Variants in ATP8B4 observed in about 807,000 individuals in gnomAD.
ATP8B4 encodes probable phospholipid-transporting ATPase IM.
Under a neutral mutation model 145.6 loss-of-function variants are expected in ATP8B4, and 133 were observed. That is an observed-to-expected ratio of 0.91 (90% CI 0.79 to 1.05). ATP8B4 has a LOEUF of 1.05. Among genes scored for constraint, ATP8B4 ranks in the 50% least tolerant of loss-of-function variants. The pLI is 0.00. For synonymous variants in ATP8B4, 507 were observed against 492.9 expected, an observed-to-expected ratio of 1.03 and a Z score of -0.38; for missense variants, 1,458 against 1,425.2, an observed-to-expected ratio of 1.02 and a Z score of -0.37.
intron 8 of ATP8B4, among the ~76,000 whole-genome samples, chr15:50,000,121 T>C (rs1567173762): frequency 6.6e-6 from 1 of 152,314 alleles, no homozygotes; most frequent in East Asian, 1.9e-4. Context: ...TCAAGTTGTT[T>C]TCATTTCTGG....
chr15:50,026,641 C>A (rs1245429675), intron 6 of ATP8B4, among the ~76,000 whole-genome samples: 1 of 152,198 alleles, frequency 6.6e-6, no homozygotes, highest in Non-Finnish European at 1.5e-5. Context: ...TGACTGGTAT[C>A]CAATATCTTT....
intron 12 of ATP8B4, 84 bp from the exon 13 acceptor site, chr15:49,972,874 G>A: frequency 7.2e-7 from 1 of 1,379,970 alleles, no homozygotes; most frequent in Non-Finnish European, 9.8e-7. Flanking sequence ...TAAGAAGTCT[G>A]CCAAAGTCTC....
rs2054928427 is a variant in ATP8B4, at chr15:50,085,928, CATATATATTTATATATG to C, written c.29-11760_29-11744del. Reference sequence around the variant, plus strand: ...ATATATATTTATATATGATATATATCATATATATTTATATATGATATATATCATATATATTTATATAT... The same window carrying C: ...ATATATATTTATATATGATATATATCATATATATCATATATATTTATATAT... On this transcript the variant is annotated intron_variant, in intron 2 of 27. Transcript: ENST00000284509. Among the ~76,000 whole-genome samples, 2 of 50,444 alleles carry C rather than the reference CATATATATTTATATATG, an allele frequency of 4.0e-5. 1 individual carries two copies. The highest frequency in any genetic ancestry group is 1.2e-4 in the African/African-American group (2 of 16,380). 33.1% of individuals were successfully genotyped at this position (50,444 alleles called of 152,430 possible).
intron 14 of ATP8B4, among the ~76,000 whole-genome samples, chr15:49,942,243 A>G (rs1040401400): frequency 1.3e-5 from 2 of 152,100 alleles, no homozygotes; most frequent in African/African-American, 2.4e-5. Context: ...GAATCATACA[A>G]TGATACTACA....
chr15:49,901,297 T>C (rs1566954751), intron 20 of ATP8B4, 58 bp from the exon 21 acceptor site: 1 of 1,533,538 alleles, frequency 6.5e-7, no homozygotes, highest in South Asian at 1.2e-5. Flanking sequence ...TGCCTACTAA[T>C]TCTAACAAGA....
At chr15:50,051,077 C>A (rs559441283) in intron 3 of ATP8B4, among the ~76,000 whole-genome samples, 38 of 152,270 alleles carry the variant, frequency 2.5e-4, no homozygotes, top group African/African-American at 8.9e-4. Flanking sequence ...TTCCCATAAT[C>A]CTCACATGTC....
At chr15:50,082,574 A>T (rs1041597442) in intron 2 of ATP8B4, among the ~76,000 whole-genome samples, 16 of 152,264 alleles carry the variant, frequency 1.1e-4, no homozygotes, top group Non-Finnish European at 1.5e-5. Context: ...AGCTTCACAA[A>T]GAAATGTAAA....
chr15:49,920,721 A>T (rs2040184667), intron 17 of ATP8B4, among the ~76,000 whole-genome samples: 1 of 152,198 alleles, frequency 6.6e-6, no homozygotes, highest in African/African-American at 2.4e-5. Flanking sequence ...ATATTCATTT[A>T]TGGCAACATA....
chr15:49,905,380 G>A (rs1175641195), intron 20 of ATP8B4, among the ~76,000 whole-genome samples: 1 of 152,144 alleles, frequency 6.6e-6, no homozygotes, highest in Non-Finnish European at 1.5e-5. Flanking sequence ...AAAAAGAGAT[G>A]GTGCAAATTT....
At chr15:49,879,247 A>AT (rs2035003203) in intron 24 of ATP8B4, 129 bp downstream of exon 24, 2 of 780,956 alleles carry the variant, frequency 2.6e-6, no homozygotes, top group Admixed American at 5.6e-5. Flanking sequence ...TGTGTGATCC[A>AT]TGCAAAAGCA....
chr15:50,019,385 T>C (rs1422819024), intron 6 of ATP8B4, among the ~76,000 whole-genome samples: 16 of 152,214 alleles, frequency 1.1e-4, no homozygotes, highest in African/African-American at 3.6e-4. Flanking sequence ...AGAATGTCTT[T>C]ATTCAGAAAA....
At chr15:49,912,896 G>A (rs754748307) in intron 20 of ATP8B4, among the ~76,000 whole-genome samples, 42 of 152,016 alleles carry the variant, frequency 2.8e-4, no homozygotes, top group Non-Finnish European at 5.1e-4. Flanking sequence ...GGGAAGCGGA[G>A]GCAGGCAGAT....
At chr15:50,149,506 C>T (rs998731307) in intron 1 of ATP8B4, among the ~76,000 whole-genome samples, 1 of 152,068 alleles carries the variant, frequency 6.6e-6, no homozygotes, top group Non-Finnish European at 1.5e-5. Flanking sequence ...TCACAGAGTC[C>T]ACTGAGGTGG....
At chr15:49,918,787 A>G (rs375922282) in intron 19 of ATP8B4, 52 bp downstream of exon 19, 1 of 1,339,908 alleles carries the variant, frequency 7.5e-7, no homozygotes, top group East Asian at 2.3e-5. Context: ...ATTTTGTGAT[A>G]TAAGTCATCT....
Position 49,922,464 on chromosome 15 carries a change from G to A in ATP8B4, c.1758+915C>T, listed in dbSNP as rs1228573306. The A allele has an allele frequency of 1.9e-5, 8 of 415,084 alleles. No homozygotes were observed. In the Admixed American group the frequency reaches 2.2e-4, roughly 11 times the overall value. The allele number at this position is 415,084 out of a possible 1,614,324, so 25.7% of individuals were successfully genotyped here. A position where few individuals can be genotyped will look rare whatever the true frequency, so the allele number is the denominator to read the frequency against. ...TGGAAAGACAAAAAACAATAGCTAT[G>A]TTTGTAACCAATATTACCAAACCAT... On this transcript the variant is annotated intron_variant, in intron 17 of 27. Coordinates refer to ENST00000284509, the MANE Select transcript of ATP8B4 (RefSeq NM_024837.4).
intron 14 of ATP8B4, among the ~76,000 whole-genome samples, chr15:49,936,318 T>C (rs533642854): frequency 6.6e-6 from 1 of 152,288 alleles, no homozygotes; most frequent in East Asian, 1.9e-4. Context: ...CTTGCTTTGT[T>C]GTAGCATATC....
At chr15:50,153,950 CTTG>C (rs1389375512) in intron 1 of ATP8B4, among the ~76,000 whole-genome samples, 1 of 152,140 alleles carries the variant, frequency 6.6e-6, no homozygotes, top group East Asian at 1.9e-4. Context: ...TTTAAAAAAC[CTTG>C]TTGTTCTAAA....
intron 14 of ATP8B4, among the ~76,000 whole-genome samples, chr15:49,936,717 T>G (rs2041762358): frequency 7.0e-6 from 1 of 142,938 alleles, no homozygotes; most frequent in Non-Finnish European, 1.6e-5. Flanking sequence ...TTTTCTCCTC[T>G]TCATTATTTT....
rs910573185 is a variant in ATP8B4 at position 50,038,631 on chromosome 15, G to A, written c.362+137C>T. On this transcript the variant is annotated intron_variant, in intron 6 of 27. Coordinates refer to ENST00000284509, the MANE Select transcript of ATP8B4 (RefSeq NM_024837.4). ...AAAAGAGAGCCATGAAGATAAAATGGAATTAAAGTTCAATTTTTAATAAAT... is the reference window on the plus strand; with the variant it reads ...AAAAGAGAGCCATGAAGATAAAATGAAATTAAAGTTCAATTTTTAATAAAT... The A allele has an allele frequency of 1.8e-5, 12 of 670,104 alleles. No homozygotes were observed. The East Asian group carries it at 3.4e-4, about 19-fold the overall frequency. The allele number at this position is 670,104 out of a possible 1,614,324, so 41.5% of individuals were successfully genotyped here. A position where few individuals can be genotyped will look rare whatever the true frequency, so the allele number is the denominator to read the frequency against.
Sources: allele counts gnomAD v4.1 joint callset (sites outside exome capture counted in the v4.1 genomes callset), GRCh38; gene constraint gnomAD v4.1.1; transcripts MANE v1.5; gene names NCBI Gene and HGNC (gene_info 2026-07-23, HGNC 2026-07-21).